Variants in GPC5 observed in about 807,000 individuals in gnomAD.
The protein encoded by GPC5 is glypican-5.
In GPC5, 47 loss-of-function variants were observed where a neutral mutation model predicts 53.9. The observed-to-expected ratio is 0.87, with a 90% confidence interval of 0.69 to 1.11. The LOEUF (loss-of-function observed/expected upper bound fraction) is 1.11, where lower values mean the gene tolerates loss of function less well. Ranked by LOEUF, GPC5 falls within the 50% of genes most tolerant of loss-of-function variation. The pLI is 0.00. For synonymous variants in GPC5, 286 were observed against 263.3 expected (o/e 1.09, Z -0.84); for missense variants, 748 against 713.1 (o/e 1.05, Z -0.56).
At chr13:92,086,680 A>G (rs2138888977) in intron 6 of GPC5, among the ~76,000 whole-genome samples, 1 of 149,938 alleles carries the variant, frequency 6.7e-6, no homozygotes, top group East Asian at 2.0e-4. Context: ...TTCTTTTGAG[A>G]TGGAGTCTTG....
At chr13:92,269,122 G>T (rs1390341045) in intron 7 of GPC5, among the ~76,000 whole-genome samples, 2 of 151,934 alleles carry the variant, frequency 1.3e-5, no homozygotes, top group African/African-American at 4.8e-5. Context: ...AATGATGCAT[G>T]ACTTGATTTC....
At chr13:92,593,294 G>A (rs149029825) in intron 7 of GPC5, among the ~76,000 whole-genome samples, 1,778 of 151,370 alleles carry the variant, frequency 0.012, 82 homozygotes, top group Non-Finnish European at 0.019. Context: ...TGATTGCAAT[G>A]TGGGTTACAC....
At chr13:92,297,322 C>T (rs28820012) in intron 7 of GPC5, among the ~76,000 whole-genome samples, 1 of 145,578 alleles carries the variant, frequency 6.9e-6, no homozygotes, top group African/African-American at 2.6e-5. Context: ...CACTCTGTAT[C>T]TAGCTCAAGG....
chr13:91,499,202 AT>A (rs1318063683), intron 2 of GPC5, among the ~76,000 whole-genome samples: 1 of 152,106 alleles, frequency 6.6e-6, no homozygotes, highest in East Asian at 1.9e-4. Context: ...GGATGCTGTT[AT>A]TATCTCCAAG....
chr13:92,449,359 T>C (rs1417892804), intron 7 of GPC5, among the ~76,000 whole-genome samples: 2 of 152,248 alleles, frequency 1.3e-5, no homozygotes, highest in African/African-American at 2.4e-5. Flanking sequence ...AGATTTAGCC[T>C]CTCATGTCAT....
At chr13:91,414,540 A>G (rs963811927) in intron 1 of GPC5, among the ~76,000 whole-genome samples, 2 of 152,226 alleles carry the variant, frequency 1.3e-5, no homozygotes, top group Non-Finnish European at 2.9e-5. Context: ...TTTCAGTGAC[A>G]GCAGGCCAGT....
intron 2 of GPC5, among the ~76,000 whole-genome samples, chr13:91,550,130 G>T (rs2030537680): frequency 6.6e-6 from 1 of 152,048 alleles, no homozygotes; most frequent in African/African-American, 2.4e-5. Flanking sequence ...CATGAAAAAA[G>T]CCAATCTGAA....
chr13:92,663,854 CACTATATATATATATATATA>C (rs1344391264), intron 7 of GPC5, among the ~76,000 whole-genome samples: 1 of 75,314 alleles, frequency 1.3e-5, no homozygotes, highest in Non-Finnish European at 2.9e-5. Flanking sequence ...TACACACACA[CACTATATATATATATATATA>C]TATATATATA....
intron 7 of GPC5, among the ~76,000 whole-genome samples, chr13:92,406,138 TG>T (rs1242853270): frequency 2.0e-5 from 3 of 152,214 alleles, no homozygotes; most frequent in African/African-American, 4.8e-5. Flanking sequence ...ATTTCCCAAA[TG>T]GGAACTAACG....
At chr13:92,061,050 G>A (rs1367969473) in intron 6 of GPC5, among the ~76,000 whole-genome samples, 2 of 151,734 alleles carry the variant, frequency 1.3e-5, no homozygotes, top group South Asian at 2.1e-4. Context: ...TTTTGGATTT[G>A]GAGTATGGTG....
At chr13:92,578,925 A>C (rs1594318755) in intron 7 of GPC5, among the ~76,000 whole-genome samples, 1 of 152,158 alleles carries the variant, frequency 6.6e-6, no homozygotes, top group Non-Finnish European at 1.5e-5. Flanking sequence ...TTAAAAATAC[A>C]TCACATGATC....
intron 6 of GPC5, among the ~76,000 whole-genome samples, chr13:92,090,944 CTCTG>C (rs1276451436): frequency 3.9e-5 from 6 of 152,320 alleles, no homozygotes; most frequent in Admixed American, 2.6e-4. Context: ...GACCATAGCT[CTCTG>C]TCTTTCTCTT....
At chr13:91,572,771 C>G (rs1455245418) in intron 2 of GPC5, among the ~76,000 whole-genome samples, 1 of 151,942 alleles carries the variant, frequency 6.6e-6, no homozygotes, top group Admixed American at 6.6e-5. Flanking sequence ...TATCACAGTC[C>G]TTCCCAAAAA....
chr13:92,242,892 AT>A (rs1187718795), intron 7 of GPC5, among the ~76,000 whole-genome samples: 1 of 152,162 alleles, frequency 6.6e-6, no homozygotes, highest in Non-Finnish European at 1.5e-5. Context: ...AAGCTATAGG[AT>A]TTTATGTGTC....
intron 7 of GPC5, among the ~76,000 whole-genome samples, chr13:92,553,054 C>T (rs752162977): frequency 3.9e-5 from 6 of 151,930 alleles, no homozygotes; most frequent in Non-Finnish European, 8.8e-5. Flanking sequence ...TAGGTATCTA[C>T]ATACCTCCTA....
intron 6 of GPC5, among the ~76,000 whole-genome samples, chr13:92,103,431 A>G (rs1003996830): frequency 1.3e-5 from 2 of 152,146 alleles, no homozygotes; most frequent in Admixed American, 1.3e-4. Flanking sequence ...CTAAATATTT[A>G]TCTCACTTCT....
At chr13:91,955,972 A>G (rs1255485380) in intron 6 of GPC5, among the ~76,000 whole-genome samples, 1 of 152,166 alleles carries the variant, frequency 6.6e-6, no homozygotes, top group East Asian at 1.9e-4. Flanking sequence ...CTATGGCTGA[A>G]GTACACACTC....
chr13:91,706,863 T>G (rs549948382), intron 3 of GPC5, among the ~76,000 whole-genome samples: 81 of 152,164 alleles, frequency 5.3e-4, no homozygotes, highest in African/African-American at 1.7e-3. Flanking sequence ...CAATCCATAG[T>G]GAATATCGAG....
chr13:91,398,873 G>A lies in GPC5; in HGVS notation c.-174G>A, dbSNP rs964335337. The A allele has an allele frequency of 1.5e-6, 1 of 678,552 alleles. No individual in the cohort carries two copies. Among genetic ancestry groups the A allele is most frequent in the South Asian group, 2.1e-5 (1 of 47,264 alleles). The allele number at this position is 678,552 out of a possible 1,614,324, so 42.0% of individuals were successfully genotyped here. A position where few individuals can be genotyped will look rare whatever the true frequency, so the allele number is the denominator to read the frequency against. On this transcript the variant is annotated 5_prime_UTR_variant, in exon 1 of 8. Coordinates refer to ENST00000377067, the MANE Select transcript of GPC5 (RefSeq NM_004466.6). Reference sequence around the variant, plus strand: ...TGTCTCAGCTTAGGGCCTCCTCCGGGAAGAGCTAACTGCTCCCAGGTGAAG... The same window carrying A: ...TGTCTCAGCTTAGGGCCTCCTCCGGAAAGAGCTAACTGCTCCCAGGTGAAG...
Sources: gnomAD v4.1 joint callset for allele counts (sites outside exome capture counted in the v4.1 genomes callset) on GRCh38, gnomAD v4.1.1 for gene constraint, MANE v1.5 for transcripts, NCBI Gene and HGNC (gene_info 2026-07-23, HGNC 2026-07-21) for gene names.